Variants in PPP4R4 observed in about 807,000 individuals in gnomAD.
PPP4R4 encodes the protein serine/threonine-protein phosphatase 4 regulatory subunit 4.
A neutral mutation model predicts 121.8 loss-of-function variants in PPP4R4; 70 were observed. The ratio of observed to expected loss-of-function variants is 0.57; its 90% CI spans 0.47 to 0.70. PPP4R4 has a LOEUF of 0.70. Among genes scored for constraint, PPP4R4 ranks in the 30% least tolerant of loss-of-function variants. PPP4R4 has a pLI of 0.00. For synonymous variants in PPP4R4, 348 were observed against 355.7 expected (o/e 0.98, Z 0.24); for missense variants, 875 against 1,033.6 (o/e 0.85, Z 2.10).
chr14:94,198,296 G>C (rs1217683057), intron 2 of PPP4R4, among the ~76,000 whole-genome samples: 1 of 152,048 alleles, frequency 6.6e-6, no homozygotes, highest in Non-Finnish European at 1.5e-5. Context: ...AAATTTTGTT[G>C]AGCATTTTAA....
chr14:94,241,667 G>C lies in PPP4R4; in HGVS notation c.977-121G>C. 3 of 706,874 alleles carry C rather than the reference G, an allele frequency of 4.2e-6. No homozygotes were observed. The South Asian group carries it at 6.9e-5, about 16-fold the overall frequency. The allele number at this position is 706,874 out of a possible 1,614,324, so 43.8% of individuals were successfully genotyped here. ...TTTTCATGTTCCTTTTATTTATAAAGTATCTGTAACCATTTATTTAAGTAT... is the reference window on the plus strand; with the variant it reads ...TTTTCATGTTCCTTTTATTTATAAACTATCTGTAACCATTTATTTAAGTAT... On this transcript the variant is annotated intron_variant, in intron 9 of 24. Coordinates refer to ENST00000304338, the MANE Select transcript of PPP4R4 (RefSeq NM_058237.2).
At chr14:94,245,333 G>A (rs530059185) in intron 12 of PPP4R4, among the ~76,000 whole-genome samples, 45 of 152,280 alleles carry the variant, frequency 3.0e-4, no homozygotes, top group African/African-American at 8.2e-4. Context: ...AGAAGTAGCT[G>A]TCTCAGATTT....
intron 19 of PPP4R4, among the ~76,000 whole-genome samples, chr14:94,260,924 A>C (rs1893753108): frequency 6.6e-6 from 1 of 151,986 alleles, no homozygotes; most frequent in Admixed American, 6.6e-5. Flanking sequence ...TTCTTTTAAA[A>C]ATTTTCATTT....
intron 2 of PPP4R4, among the ~76,000 whole-genome samples, chr14:94,195,403 G>T (rs1889820071): frequency 6.6e-6 from 1 of 152,188 alleles, no homozygotes; most frequent in Admixed American, 6.5e-5. Flanking sequence ...GCATGTTGTA[G>T]TTACCAACCT....
chr14:94,185,460 G>A (rs1292845783), intron 2 of PPP4R4, among the ~76,000 whole-genome samples: 3 of 152,052 alleles, frequency 2.0e-5, no homozygotes, highest in Non-Finnish European at 4.4e-5. Context: ...GAAGCCACGA[G>A]TGTGCCACTG....
chr14:94,241,843 T>C lies in PPP4R4; in HGVS notation c.1032T>C (p.Cys344=), dbSNP rs1892651449. Residue 344 remains cysteine, a synonymous_variant, in exon 10 of 25, where the codon TGT becomes TGC. Transcript: ENST00000304338. ...LRFLEFYKKL[C]TLGLQQENGH... ...TTTTGGAATTTTATAAGAAACTTTGTACATTGGGTTTGCAACAAGAAAATG... is the reference window on the plus strand; with the variant it reads ...TTTTGGAATTTTATAAGAAACTTTGCACATTGGGTTTGCAACAAGAAAATG... The C allele has an allele frequency of 1.2e-6, 2 of 1,608,600 alleles. No individual in the cohort carries two copies. Among genetic ancestry groups the C allele is most frequent in the African/African-American group, 2.7e-5 (2 of 74,688 alleles).
At chr14:94,218,950 A>C (rs1243969151) in intron 3 of PPP4R4, among the ~76,000 whole-genome samples, 1 of 152,144 alleles carries the variant, frequency 6.6e-6, no homozygotes, top group African/African-American at 2.4e-5. Context: ...ATATATACCC[A>C]GTTAAAATAC....
At chr14:94,273,301 A>G (rs918264269) in intron 23 of PPP4R4, among the ~76,000 whole-genome samples, 3 of 152,218 alleles carry the variant, frequency 2.0e-5, no homozygotes, top group African/African-American at 7.2e-5. Context: ...CAGTGCTAAA[A>G]TGAAATGAGC....
chr14:94,222,709 A>G (rs1003372384), intron 3 of PPP4R4, among the ~76,000 whole-genome samples: 1 of 151,652 alleles, frequency 6.6e-6, no homozygotes, highest in African/African-American at 2.4e-5. Flanking sequence ...TTAGCATAGG[A>G]TTTTACACTG....
At chr14:94,237,911 T>C (rs1014613144) in intron 8 of PPP4R4, among the ~76,000 whole-genome samples, 2 of 152,216 alleles carry the variant, frequency 1.3e-5, no homozygotes, top group African/African-American at 4.8e-5. Flanking sequence ...TGAGACCAGG[T>C]AATTTATAAA....
At chr14:94,233,603 C>A in intron 5 of PPP4R4, 50 bp from the exon 6 acceptor site, 1 of 1,146,212 alleles carries the variant, frequency 8.7e-7, no homozygotes, top group Non-Finnish European at 1.3e-6. Context: ...ACATGAGTGG[C>A]ATGAATGTAT....
intron 16 of PPP4R4, among the ~76,000 whole-genome samples, chr14:94,253,722 A>C (rs1018858529): frequency 1.3e-5 from 2 of 152,222 alleles, no homozygotes; most frequent in African/African-American, 4.8e-5. Flanking sequence ...ATGAAGAGTA[A>C]TTAAATATTA....
rs1431398345 is a variant in PPP4R4 at position 94,176,059 on chromosome 14, G to A, written c.123G>A (p.Pro41=). 4.3e-6 allele frequency: 7 copies of A among 1,611,722 alleles called. No individual in the cohort carries two copies. The African/African-American group carries it at 8.0e-5, about 18-fold the overall frequency. Residue 41 remains proline, a synonymous_variant, in exon 2 of 25, where the codon CCG becomes CCA. Transcript: ENST00000304338. ...ERPVRRSLKT[P]EEIERLTVDE... ...GTGTATTTTACCCTTGACAGACACC[G>A]GAAGAAATAGAAAGATTGACAGTCG...
intron 7 of PPP4R4, among the ~76,000 whole-genome samples, chr14:94,236,885 A>T (rs548553567): frequency 6.6e-6 from 1 of 152,300 alleles, no homozygotes; most frequent in East Asian, 1.9e-4. Context: ...ATTATAATTG[A>T]TGCTGTTTTC....
At chr14:94,220,093 G>C (rs961942014) in intron 3 of PPP4R4, among the ~76,000 whole-genome samples, 1 of 152,064 alleles carries the variant, frequency 6.6e-6, no homozygotes, top group South Asian at 2.1e-4. Context: ...GTGGTGGCAG[G>C]CATCTGTAAT....
chr14:94,190,292 C>G (rs1889523436), intron 2 of PPP4R4, among the ~76,000 whole-genome samples: 1 of 152,126 alleles, frequency 6.6e-6, no homozygotes, highest in South Asian at 2.1e-4. Flanking sequence ...CCTGCTATGT[C>G]TTAACATATC....
At chr14:94,182,475 A>G (rs1889045355) in intron 2 of PPP4R4, among the ~76,000 whole-genome samples, 1 of 152,172 alleles carries the variant, frequency 6.6e-6, no homozygotes, top group South Asian at 2.1e-4. Context: ...GACTTCTAAC[A>G]CTATACATTG....
intron 24 of PPP4R4, 61 bp from the exon 25 acceptor site, chr14:94,278,558 C>T: frequency 2.5e-6 from 3 of 1,178,906 alleles, no homozygotes; most frequent in Admixed American, 4.3e-5. Flanking sequence ...TTCTTTTTCT[C>T]CCTTTCTCAC....
At chr14:94,187,138 C>G (rs1889328828) in intron 2 of PPP4R4, among the ~76,000 whole-genome samples, 1 of 151,940 alleles carries the variant, frequency 6.6e-6, no homozygotes, top group South Asian at 2.1e-4. Flanking sequence ...ATGGTGAAAC[C>G]CTGTCTCTAC....
Sources: allele counts gnomAD v4.1 joint callset (sites outside exome capture counted in the v4.1 genomes callset), GRCh38; gene constraint gnomAD v4.1.1; transcripts MANE v1.5; gene names NCBI Gene and HGNC (gene_info 2026-07-23, HGNC 2026-07-21).